The following PLCE1 variants were observed in gnomAD, a reference collection of about 807,000 sequenced individuals.
PLCE1 encodes 1-phosphatidylinositol 4,5-bisphosphate phosphodiesterase epsilon-1.
In PLCE1, 119 loss-of-function variants were observed where a neutral mutation model predicts 242.8. That is an observed-to-expected ratio of 0.49 (90% CI 0.42 to 0.57). The LOEUF (loss-of-function observed/expected upper bound fraction) is 0.57. Ranked by LOEUF, PLCE1 falls within the 20% of genes least tolerant of loss-of-function variation. The pLI is 0.00. For synonymous variants in PLCE1, 945 were observed against 1,017.4 expected (o/e 0.93, Z 1.35); for missense variants, 2,441 against 2,788.8 (o/e 0.88, Z 2.81).
At chr10:94,234,991 G>C (rs769390258) in intron 6 of PLCE1, among the ~76,000 whole-genome samples, 3 of 151,608 alleles carry the variant, frequency 2.0e-5, no homozygotes, top group Non-Finnish European at 4.4e-5. Context: ...ATTTTGAGAA[G>C]TCCCTTACCG....
intron 1 of PLCE1, among the ~76,000 whole-genome samples, chr10:94,010,663 G>C (rs2061152092): frequency 6.6e-6 from 1 of 152,168 alleles, no homozygotes; most frequent in South Asian, 2.1e-4. Context: ...ATGCTTTGCT[G>C]CTTAAAAAAT....
At chr10:94,273,846 G>A (rs1362255666) in intron 19 of PLCE1, 126 bp downstream of exon 19, 26 of 881,108 alleles carry the variant, frequency 3.0e-5, no homozygotes, top group Admixed American at 1.5e-4. Context: ...TTCCTTAAAT[G>A]ATAAGTTTGA....
chr10:94,132,743 G>T (rs1034628921), intron 3 of PLCE1, among the ~76,000 whole-genome samples: 21 of 151,590 alleles, frequency 1.4e-4, no homozygotes, highest in African/African-American at 4.8e-4. Flanking sequence ...AAGGTCAGGA[G>T]ATCGAGACCA....
intron 13 of PLCE1, 58 bp from the exon 14 acceptor site, chr10:94,262,436 T>A: frequency 4.4e-6 from 5 of 1,137,922 alleles, no homozygotes; most frequent in Non-Finnish European, 5.4e-6. Flanking sequence ...ATCTCCAAAA[T>A]GAACTTTGCA....
chr10:94,202,871 G>T (rs190134769), intron 4 of PLCE1, among the ~76,000 whole-genome samples: 1 of 152,264 alleles, frequency 6.6e-6, no homozygotes, highest in East Asian at 1.9e-4. Context: ...CCTGTTCAGT[G>T]CCTTCTGCAA....
chr10:94,039,539 C>T (rs991412429), intron 2 of PLCE1, among the ~76,000 whole-genome samples: 4 of 152,264 alleles, frequency 2.6e-5, no homozygotes, highest in African/African-American at 9.6e-5. Context: ...GTGCGTGCCA[C>T]TATGCCCAGC....
chr10:94,070,495 C>T (rs1247023167), intron 2 of PLCE1, among the ~76,000 whole-genome samples: 1 of 152,166 alleles, frequency 6.6e-6, no homozygotes, highest in Non-Finnish European at 1.5e-5. Context: ...ATGCTGATCC[C>T]CCAGCACAGG....
chr10:94,240,625 A>G (rs2050472960), intron 7 of PLCE1, among the ~76,000 whole-genome samples: 1 of 152,106 alleles, frequency 6.6e-6, no homozygotes. Flanking sequence ...ATTATGTTAA[A>G]TTGGCAGGAA....
chr10:94,270,949 C>T (rs955031153), intron 18 of PLCE1, among the ~76,000 whole-genome samples: 1 of 152,118 alleles, frequency 6.6e-6, no homozygotes, highest in Non-Finnish European at 1.5e-5. Flanking sequence ...GGATTATAGG[C>T]GTGAGACACT....
intron 3 of PLCE1, among the ~76,000 whole-genome samples, chr10:94,150,512 A>G (rs1174727371): frequency 2.0e-5 from 3 of 152,164 alleles, no homozygotes; most frequent in Admixed American, 6.5e-5. Flanking sequence ...ACACCAAAGT[A>G]TTTGTTCCAG....
At chr10:94,249,665 A>T (rs554849929) in intron 8 of PLCE1, among the ~76,000 whole-genome samples, 8 of 152,312 alleles carry the variant, frequency 5.3e-5, no homozygotes, top group Non-Finnish European at 1.0e-4. Context: ...GTAACAAGAG[A>T]TAACACAGAA....
chr10:94,085,447 C>T lies in PLCE1; in HGVS notation c.1207-46727C>T, dbSNP rs1045485006. 5.3e-5 allele frequency among the ~76,000 whole-genome samples: 8 copies of T among 152,040 alleles called. No homozygotes were observed. The South Asian group carries it at 6.2e-4, about 12-fold the overall frequency. ...CGGTACTGACTTGAGGAATCTGTGGCGTCTCAGAGGCAGTCCATATTTTGG... is the reference window on the plus strand; with the variant it reads ...CGGTACTGACTTGAGGAATCTGTGGTGTCTCAGAGGCAGTCCATATTTTGG... On this transcript the variant is annotated intron_variant, in intron 2 of 32. Transcript: ENST00000371380.
chr10:94,221,022 A>G (rs2049724774), intron 4 of PLCE1, among the ~76,000 whole-genome samples: 1 of 152,144 alleles, frequency 6.6e-6, no homozygotes, highest in African/African-American at 2.4e-5. Flanking sequence ...GTGATTTACA[A>G]TTTTGCGCTG....
intron 28 of PLCE1, among the ~76,000 whole-genome samples, chr10:94,314,227 C>T (rs1170405377): frequency 6.6e-6 from 1 of 152,194 alleles, no homozygotes; most frequent in Non-Finnish European, 1.5e-5. Flanking sequence ...TTTTTCACCA[C>T]ACCAGAAGCG....
intron 3 of PLCE1, among the ~76,000 whole-genome samples, chr10:94,158,847 T>G (rs1475648990): frequency 1.5e-5 from 2 of 136,774 alleles, no homozygotes; most frequent in Non-Finnish European, 3.2e-5. Context: ...ATTTTCTTCT[T>G]CTTTTTCTTT....
At chr10:94,135,161 A>T (rs911917288) in intron 3 of PLCE1, among the ~76,000 whole-genome samples, 7 of 152,238 alleles carry the variant, frequency 4.6e-5, no homozygotes, top group African/African-American at 1.7e-4. Flanking sequence ...ATGTGAGGTA[A>T]AGCATATGTT....
At chr10:94,304,023 A>G (rs1297754125) in intron 24 of PLCE1, among the ~76,000 whole-genome samples, 1 of 152,188 alleles carries the variant, frequency 6.6e-6, no homozygotes, top group Non-Finnish European at 1.5e-5. Flanking sequence ...AAAAAGAAAA[A>G]GTATGCAGAA....
At chr10:94,194,657 C>G (rs1209734508) in intron 4 of PLCE1, among the ~76,000 whole-genome samples, 1 of 152,184 alleles carries the variant, frequency 6.6e-6, no homozygotes, top group African/African-American at 2.4e-5. Context: ...TGACTCCAGG[C>G]AAGTTTCCTA....
chr10:94,170,905 G>A (rs1399815904), intron 3 of PLCE1, among the ~76,000 whole-genome samples: 1 of 152,074 alleles, frequency 6.6e-6, no homozygotes, highest in Non-Finnish European at 1.5e-5. Context: ...AACTGGTTGG[G>A]GAATTATGTG....
Sources: allele counts gnomAD v4.1 joint callset (sites outside exome capture counted in the v4.1 genomes callset), GRCh38; gene constraint gnomAD v4.1.1; transcripts MANE v1.5; gene names NCBI Gene and HGNC (gene_info 2026-07-23, HGNC 2026-07-21).